GAK: variants seen among roughly 807,000 people sequenced by gnomAD.
GAK encodes cyclin-G-associated kinase.
GAK carries 79 observed loss-of-function variants against 143.9 expected under a neutral mutation model. The observed-to-expected ratio is 0.55, with a 90% CI of 0.46 to 0.66. The LOEUF (loss-of-function observed/expected upper bound fraction) is 0.66. Among genes scored for constraint, GAK ranks in the 30% least tolerant of loss-of-function variants. The pLI is 0.00. For synonymous variants in GAK, 881 were observed against 765.5 expected (o/e 1.15, Z -2.49); for missense variants, 1,693 against 1,779.7 (o/e 0.95, Z 0.88).
intron 15 of GAK, among the ~76,000 whole-genome samples, chr4:881,042 C>G (rs1016603219): frequency 3.3e-5 from 5 of 152,230 alleles, no homozygotes; most frequent in Admixed American, 6.5e-5. Context: ...TCTCCTCCCC[C>G]CAAGGCTGTG....
intron 1 of GAK, among the ~76,000 whole-genome samples, chr4:925,979 C>A (rs568145019): frequency 1.6e-4 from 25 of 152,266 alleles, no homozygotes; most frequent in African/African-American, 6.0e-4. Flanking sequence ...CCCAGCCCAA[C>A]TGTCACCTCC....
intron 6 of GAK, 43 bp from the exon 7 acceptor site, chr4:896,592 A>G: frequency 1.4e-6 from 2 of 1,466,120 alleles, no homozygotes; most frequent in Non-Finnish European, 1.9e-6. Flanking sequence ...TGCATCCCAC[A>G]AACAGTATTT....
At chr4:930,022 A>G (rs1354107546) in intron 1 of GAK, among the ~76,000 whole-genome samples, 2 of 152,248 alleles carry the variant, frequency 1.3e-5, no homozygotes, top group African/African-American at 4.8e-5. Context: ...TACAGGTTAT[A>G]TGCTGCAATG....
In GAK at chr4:918,968, GGCC is replaced by G. The variant is rs1723487347; in HGVS notation, c.146-5303_146-5301del. 3.8e-5 allele frequency among the ~76,000 whole-genome samples: 3 copies of G among 79,398 alleles called. 1 individual carries two copies. The highest frequency in any genetic ancestry group is 1.2e-4 in the African/African-American group (3 of 24,198). The allele number at this position is 79,398 out of a possible 152,430, so 52.1% of individuals were successfully genotyped here. ...CCTTAGAAAGACAGAAGGCTCCAAAGGCCTCAGTGCCCCATGACCTTAGAAAGA... is the reference window on the plus strand; with the variant it reads ...CCTTAGAAAGACAGAAGGCTCCAAAGTCAGTGCCCCATGACCTTAGAAAGA... On this transcript the variant is annotated intron_variant, in intron 1 of 27. Coordinates refer to ENST00000314167, the MANE Select transcript of GAK (RefSeq NM_005255.4).
At chr4:886,918 G>A (rs561853293) in intron 11 of GAK, 1 of 152,446 alleles carries the variant, frequency 6.6e-6, no homozygotes, top group East Asian at 1.9e-4. Context: ...CTAAGAGCAG[G>A]TTTCTTTCCA....
rs544985071 is a variant in GAK at position 884,259 on chromosome 4, G to A, written c.1206-173C>T. 2.2e-4 allele frequency: 130 copies of A among 602,648 alleles called. 1 individual carries two copies. The highest frequency in any genetic ancestry group is 3.6e-4 in the Non-Finnish European group (121 of 338,248). 37.3% of individuals were successfully genotyped at this position (602,648 alleles called of 1,614,324 possible). On this transcript the variant is annotated intron_variant, in intron 11 of 27. Coordinates refer to ENST00000314167, the MANE Select transcript of GAK (RefSeq NM_005255.4). ...CGTGTGGGCAGCTTCCCGGCTGTGT[G>A]CGTGCTGTGGAGCTGACCCCTACAT...
intron 11 of GAK, 40 bp downstream of exon 11, chr4:888,807 A>G: frequency 6.3e-7 from 1 of 1,577,116 alleles, no homozygotes; most frequent in Non-Finnish European, 8.6e-7. Flanking sequence ...GCCTGGAACG[A>G]GCGTGCGGCA....
At chr4:850,231 T>A in intron 26 of GAK, 163 bp from the exon 27 acceptor site, 1 of 617,376 alleles carries the variant, frequency 1.6e-6, no homozygotes, top group Non-Finnish European at 2.7e-6. Context: ...CTCAACTATA[T>A]AGAGCCCACT....
intron 1 of GAK, among the ~76,000 whole-genome samples, chr4:925,809 G>A (rs974565848): frequency 2.0e-5 from 3 of 152,340 alleles, no homozygotes; most frequent in East Asian, 3.9e-4. Context: ...CTGCAGAGCC[G>A]TGAGGAATAA....
intron 24 of GAK, chr4:859,396 G>T (rs954490036): frequency 3.4e-5 from 51 of 1,510,136 alleles, no homozygotes; most frequent in Non-Finnish European, 4.4e-5. Context: ...CAGTGCCAGT[G>T]TCAGCAACTC....
In GAK at chr4:877,645, G is replaced by A; in HGVS notation, c.1826C>T (p.Ala609Val). Reference protein sequence around the residue: ...CEVYVGDERVASTSQEYDKMR... With the variant: ...CEVYVGDERVVSTSQEYDKMR... ...CTTGTCGTACTCCTGGGAGGTGCTG[G>A]CCACACGCTCGTCCCCCACGTAGAC... The change falls in exon 16 of 28, where the codon GCC becomes GTC. Residue 609 changes from alanine to valine, a missense_variant. Physicochemically the swap from Ala to Val is moderately conservative, Grantham distance 64. Transcript: ENST00000314167. 4 of 1,603,308 alleles carry A rather than the reference G, an allele frequency of 2.5e-6. No homozygotes were observed. Among genetic ancestry groups the A allele is most frequent in the Non-Finnish European group, 3.4e-6 (4 of 1,173,884 alleles).
chr4:878,508 T>C (rs1420645830), intron 15 of GAK, among the ~76,000 whole-genome samples: 1 of 152,222 alleles, frequency 6.6e-6, no homozygotes. Flanking sequence ...TGTGTGTTTT[T>C]CTATTGTTGG....
chr4:860,917 C>T (rs1333445077), intron 23 of GAK, among the ~76,000 whole-genome samples: 2 of 152,256 alleles, frequency 1.3e-5, no homozygotes, highest in Non-Finnish European at 2.9e-5. Context: ...ATTTTCCGCA[C>T]GCCATGTGCA....
At chr4:919,839 C>T (rs540585872) in intron 1 of GAK, among the ~76,000 whole-genome samples, 11 of 152,352 alleles carry the variant, frequency 7.2e-5, no homozygotes, top group African/African-American at 2.4e-4. Context: ...CATCCAGCAC[C>T]TAAGTGGTGC....
intron 5 of GAK, among the ~76,000 whole-genome samples, chr4:902,446 A>G (rs1720044899): frequency 6.6e-6 from 1 of 151,476 alleles, no homozygotes; most frequent in Non-Finnish European, 1.5e-5. Context: ...TTCTACTGAA[A>G]ATACAAAAAC....
intron 24 of GAK, chr4:853,473 G>T (rs60928682): frequency 1.3e-5 from 2 of 152,332 alleles, no homozygotes; most frequent in African/African-American, 4.8e-5. Context: ...CACTCCCTGG[G>T]AATGCCTGAG....
chr4:867,855 G>A (rs1254809067), intron 20 of GAK, among the ~76,000 whole-genome samples: 3 of 152,242 alleles, frequency 2.0e-5, no homozygotes, highest in Admixed American at 6.5e-5. Flanking sequence ...TTCCTGAGGC[G>A]TCTCCAGCAC....
rs761107041 is a variant in GAK, at chr4:851,840, T to TG, written c.3417dup (p.Lys1140GlnfsTer9). On this transcript the variant is annotated frameshift_variant, in exon 25 of 28. Transcript: ENST00000314167. LOFTEE classifies it high-confidence loss of function. ...TTAGGCCTTGGCTGTGTGCAGGCTTTGGGGGGCGGCTTGGCCTGAGGGGGC... is the reference window on the plus strand; with the variant it reads ...TTAGGCCTTGGCTGTGTGCAGGCTTTGGGGGGGCGGCTTGGCCTGAGGGGGC... 3 of 1,609,526 alleles carry TG rather than the reference T, an allele frequency of 1.9e-6. No individual in the cohort carries two copies. Among genetic ancestry groups the TG allele is most frequent in the South Asian group, 1.1e-5 (1 of 90,664 alleles).
At chr4:892,052 G>T (rs1717778719) in intron 9 of GAK, among the ~76,000 whole-genome samples, 1 of 152,122 alleles carries the variant, frequency 6.6e-6, no homozygotes, top group Non-Finnish European at 1.5e-5. Flanking sequence ...CCTGCTCCCA[G>T]GTCTCTGTAC....
Sources: allele counts gnomAD v4.1 joint callset (sites outside exome capture counted in the v4.1 genomes callset), GRCh38; gene constraint gnomAD v4.1.1; transcripts MANE v1.5; gene names NCBI Gene and HGNC (gene_info 2026-07-23, HGNC 2026-07-21).